The following TAFA5 variants were observed in gnomAD, a reference collection of about 807,000 sequenced individuals.
The protein encoded by TAFA5 is TAFA chemokine like family member 5, also known as chemokine-like protein TAFA-5.
A neutral mutation model predicts 15.3 loss-of-function variants in TAFA5; 6 were observed. The observed-to-expected ratio is 0.39, with a 90% CI of 0.21 to 0.77. The LOEUF (loss-of-function observed/expected upper bound fraction) is 0.77, where lower values mean the gene tolerates loss of function less well. Among genes scored for constraint, TAFA5 ranks in the 30% least tolerant of loss-of-function variants. The pLI is 0.41. For synonymous variants in TAFA5, 103 were observed against 80.7 expected, an observed-to-expected ratio of 1.28 and a Z score of -1.48; for missense variants, 161 against 193.1, an observed-to-expected ratio of 0.83 and a Z score of 0.98.
intron 1 of TAFA5, among the ~76,000 whole-genome samples, chr22:48,539,635 C>G (rs1049293715): frequency 1.3e-5 from 2 of 152,130 alleles, no homozygotes; most frequent in South Asian, 2.1e-4. Flanking sequence ...ACAGCCAGGT[C>G]GGTGCCACCC....
intron 2 of TAFA5, among the ~76,000 whole-genome samples, chr22:48,703,493 T>C (rs531737554): frequency 6.6e-6 from 1 of 152,238 alleles, no homozygotes; most frequent in African/African-American, 2.4e-5. Context: ...TCACCCCAGA[T>C]CCCTCCCCCA....
At position 48,641,417 on chromosome 22, in the gene TAFA5, ATC is replaced by A. The variant is rs376342744; in HGVS notation, c.113-5170_113-5169del. ...AGGGGTGGATTCTTTATTTTTTAAA[ATC>A]TCTCTCTCTGACTTCCGATTTTTGC... is the stretch of plus-strand genomic sequence containing the variant. On this transcript the variant is annotated intron_variant, in intron 1 of 3. Transcript: ENST00000402357. 4.1e-3 allele frequency among the ~76,000 whole-genome samples: 617 copies of A among 152,016 alleles called. 5 individuals carry two copies. Among genetic ancestry groups the A allele is most frequent in the African/African-American group, 0.014 (584 of 41,440 alleles).
intron 2 of TAFA5, among the ~76,000 whole-genome samples, chr22:48,668,083 G>A (rs1435846722): frequency 9.7e-4 from 1 of 1,026 alleles, no homozygotes. Context: ...AGCACTCAGG[G>A]CCGCGTCTTC....
intron 2 of TAFA5, among the ~76,000 whole-genome samples, chr22:48,687,892 G>C (rs1048102400): frequency 2.6e-5 from 4 of 152,194 alleles, no homozygotes; most frequent in Non-Finnish European, 5.9e-5. Flanking sequence ...CCAGACAGGA[G>C]ACACTTTCCT....
At chr22:48,535,884 G>C (rs901694083) in intron 1 of TAFA5, among the ~76,000 whole-genome samples, 2 of 151,676 alleles carry the variant, frequency 1.3e-5, no homozygotes, top group African/African-American at 4.8e-5. Flanking sequence ...GCACTCGTGT[G>C]TGTGCACACA....
intron 1 of TAFA5, among the ~76,000 whole-genome samples, chr22:48,497,241 C>T (rs1283597197): frequency 6.6e-6 from 1 of 152,228 alleles, no homozygotes. Context: ...GCGGACCTTG[C>T]CCTGGGTGGA....
chr22:48,551,251 G>A (rs1367512431), intron 1 of TAFA5, among the ~76,000 whole-genome samples: 1 of 152,162 alleles, frequency 6.6e-6, no homozygotes, highest in African/African-American at 2.4e-5. Flanking sequence ...CACCCTGGAA[G>A]GCAGGGAGCC....
At chr22:48,544,697 C>G (rs939142631) in intron 1 of TAFA5, 10 of 471,302 alleles carry the variant, frequency 2.1e-5, no homozygotes, top group African/African-American at 1.8e-4. Context: ...TCCCTGCGTG[C>G]CCGCAGATGA....
chr22:48,702,017 G>A (rs772056380), intron 2 of TAFA5, among the ~76,000 whole-genome samples: 1 of 152,212 alleles, frequency 6.6e-6, no homozygotes, highest in South Asian at 2.1e-4. Flanking sequence ...GGTGGAAGGA[G>A]CCAAGCCCTT....
intron 3 of TAFA5, among the ~76,000 whole-genome samples, chr22:48,746,193 G>A (rs185368870): frequency 2.1e-3 from 315 of 152,196 alleles, no homozygotes; most frequent in Non-Finnish European, 3.6e-3. Context: ...CCTTCTCGGT[G>A]TTGTCTTTCT....
chr22:48,642,278 C>T (rs1926710794), intron 1 of TAFA5, among the ~76,000 whole-genome samples: 1 of 152,214 alleles, frequency 6.6e-6, no homozygotes, highest in Non-Finnish European at 1.5e-5. Context: ...TCCCAAATGG[C>T]CTCCTTCCAG....
At chr22:48,503,880 TC>T (rs1380926224) in intron 1 of TAFA5, among the ~76,000 whole-genome samples, 1 of 152,040 alleles carries the variant, frequency 6.6e-6, no homozygotes, top group Non-Finnish European at 1.5e-5. Context: ...AAGGAGCCCA[TC>T]CCCACGACAC....
intron 2 of TAFA5, chr22:48,693,222 A>T: frequency 2.1e-6 from 3 of 1,451,234 alleles, no homozygotes; most frequent in Non-Finnish European, 2.8e-6. Context: ...TCGTCCTCAG[A>T]GCAGCCTGGC....
intron 1 of TAFA5, among the ~76,000 whole-genome samples, chr22:48,578,163 G>A (rs1239954751): frequency 1.3e-5 from 2 of 152,218 alleles, no homozygotes; most frequent in African/African-American, 4.8e-5. Context: ...TGCGGAAAGG[G>A]CGTGTATGTG....
At chr22:48,538,171 C>G (rs1434071076) in intron 1 of TAFA5, among the ~76,000 whole-genome samples, 1 of 152,092 alleles carries the variant, frequency 6.6e-6, no homozygotes, top group Non-Finnish European at 1.5e-5. Context: ...CCGAGATGGC[C>G]CGGGGCTGCA....
At chr22:48,733,586 C>T (rs1450837000) in intron 3 of TAFA5, among the ~76,000 whole-genome samples, 8 of 152,224 alleles carry the variant, frequency 5.3e-5, no homozygotes, top group Admixed American at 5.2e-4. Flanking sequence ...GCTTCAGAAA[C>T]TCTAGAGATT....
chr22:48,657,419 A>G (rs1463962647), intron 2 of TAFA5, among the ~76,000 whole-genome samples: 5 of 152,220 alleles, frequency 3.3e-5, no homozygotes, highest in Non-Finnish European at 5.9e-5. Context: ...CCAGGACCAG[A>G]TGGCTTCACT....
chr22:48,638,361 C>A (rs1227166184), intron 1 of TAFA5, among the ~76,000 whole-genome samples: 1 of 71,678 alleles, frequency 1.4e-5, no homozygotes, highest in African/African-American at 6.0e-5. Flanking sequence ...TACCACCCCC[C>A]CCCCGACACT....
intron 1 of TAFA5, among the ~76,000 whole-genome samples, chr22:48,609,291 C>G (rs931499930): frequency 6.6e-6 from 1 of 152,194 alleles, no homozygotes; most frequent in African/African-American, 2.4e-5. Flanking sequence ...ATCCAGATGC[C>G]AAGGAAGGAG....
Sources: allele counts gnomAD v4.1 joint callset (sites outside exome capture counted in the v4.1 genomes callset), GRCh38; gene constraint gnomAD v4.1.1; transcripts MANE v1.5; gene names NCBI Gene and HGNC (gene_info 2026-07-23, HGNC 2026-07-21).